The following ERO1A variants were observed in gnomAD, a reference collection of about 807,000 sequenced individuals.
ERO1A encodes the protein endoplasmic reticulum oxidoreductase 1 alpha.
A neutral mutation model predicts 76.9 loss-of-function variants in ERO1A; 49 were observed. The ratio of observed to expected loss-of-function variants is 0.64; its 90% confidence interval spans 0.51 to 0.81. The LOEUF (loss-of-function observed/expected upper bound fraction) is 0.81. Among genes scored for constraint, ERO1A ranks in the 30% least tolerant of loss-of-function variants. The pLI is 0.00. For missense variants in ERO1A, 448 were observed against 542.1 expected (o/e 0.83, Z 1.72); for synonymous variants, 174 against 181.2 (o/e 0.96, Z 0.32).
chr14:52,689,477 C>T (rs2041285614), intron 1 of ERO1A, among the ~76,000 whole-genome samples: 1 of 151,818 alleles, frequency 6.6e-6, no homozygotes, highest in Admixed American at 6.6e-5. Flanking sequence ...ATCAATTGTG[C>T]TTCTATACAC....
chr14:52,670,855 A>G (rs2040574167), intron 6 of ERO1A, among the ~76,000 whole-genome samples: 1 of 150,164 alleles, frequency 6.7e-6, no homozygotes, highest in Non-Finnish European at 1.5e-5. Context: ...TAAAATTGAT[A>G]TAATAAAATT....
At chr14:52,662,199 T>C (rs11627396) in intron 8 of ERO1A, among the ~76,000 whole-genome samples, 19,200 of 152,196 alleles carry the variant, frequency 0.13, 1,289 homozygotes, top group East Asian at 0.21. Context: ...CCTATGTATC[T>C]TTATGGTAAG....
intron 12 of ERO1A, 34 bp from the exon 13 acceptor site, chr14:52,652,342 G>A (rs376315172): frequency 2.1e-6 from 3 of 1,431,516 alleles, no homozygotes; most frequent in African/African-American, 2.8e-5. Context: ...TCATTTTCAT[G>A]TGTTATAAAT....
intron 13 of ERO1A, 127 bp downstream of exon 13, chr14:52,652,112 C>T: frequency 2.0e-6 from 1 of 499,542 alleles, no homozygotes; most frequent in Non-Finnish European, 3.6e-6. Flanking sequence ...AATTACAGGC[C>T]TGAGCCACTG....
chr14:52,685,833 G>A (rs1362186139), intron 1 of ERO1A, among the ~76,000 whole-genome samples: 1 of 152,130 alleles, frequency 6.6e-6, no homozygotes, highest in Non-Finnish European at 1.5e-5. Context: ...AAGTATTACT[G>A]TACCTCACAG....
chr14:52,675,680 G>T (rs2040760511), intron 4 of ERO1A, among the ~76,000 whole-genome samples: 1 of 151,956 alleles, frequency 6.6e-6, no homozygotes, highest in Non-Finnish European at 1.5e-5. Context: ...TGTCTCCCAG[G>T]CTGGAGTACA....
intron 11 of ERO1A, among the ~76,000 whole-genome samples, 177 bp downstream of exon 11, chr14:52,657,740 A>C (rs2040098089): frequency 6.6e-6 from 1 of 152,208 alleles, no homozygotes; most frequent in Admixed American, 6.5e-5. Flanking sequence ...AGAGTATGTT[A>C]AACTGTTCAA....
At chr14:52,658,391 C>G in intron 9 of ERO1A, 1 of 410,126 alleles carries the variant, frequency 2.4e-6, no homozygotes, top group Admixed American at 4.5e-5. Context: ...TTGACCCAGT[C>G]TCATAACGTT....
Position 52,641,189 on chromosome 14 carries a change from T to G in ERO1A, c.*2381A>C, listed in dbSNP as rs2039458159. 1 of 152,056 alleles carries G rather than the reference T, an allele frequency of 6.6e-6. No individual in the cohort carries two copies. The highest frequency in any genetic ancestry group is 1.5e-5 in the Non-Finnish European group (1 of 68,010). 9.4% of individuals were successfully genotyped at this position (152,056 alleles called of 1,614,324 possible). Reference sequence around the variant, plus strand: ...TTAAACTGTGGATTTAGAATTAAGATTTTAGACTTTACAGGAAGGGACTGT... The same window carrying G: ...TTAAACTGTGGATTTAGAATTAAGAGTTTAGACTTTACAGGAAGGGACTGT... On this transcript the variant is annotated 3_prime_UTR_variant, in exon 16 of 16. Transcript: ENST00000395686.
chr14:52,671,049 C>T (rs766733551), intron 6 of ERO1A, among the ~76,000 whole-genome samples: 1 of 152,182 alleles, frequency 6.6e-6, no homozygotes, highest in Admixed American at 6.5e-5. Flanking sequence ...TTTCTGTCTC[C>T]ATGAATTTGC....
chr14:52,688,738 T>C (rs1465721064), intron 1 of ERO1A, among the ~76,000 whole-genome samples: 3 of 152,192 alleles, frequency 2.0e-5, no homozygotes, highest in Non-Finnish European at 4.4e-5. Context: ...AATTACCTTC[T>C]CTGTTGACTC....
intron 11 of ERO1A, among the ~76,000 whole-genome samples, chr14:52,657,062 C>T (rs2040075118): frequency 6.6e-6 from 1 of 152,174 alleles, no homozygotes; most frequent in Non-Finnish European, 1.5e-5. Context: ...GCACACCCAC[C>T]AGGGTGCCAT....
At chr14:52,685,445 C>T (rs1267521996) in intron 1 of ERO1A, among the ~76,000 whole-genome samples, 2 of 152,188 alleles carry the variant, frequency 1.3e-5, no homozygotes, top group Admixed American at 6.5e-5. Flanking sequence ...CAAAGTACTT[C>T]TAACCTAAAT....
At chr14:52,694,087 G>T (rs1159169093) in intron 1 of ERO1A, among the ~76,000 whole-genome samples, 1 of 152,092 alleles carries the variant, frequency 6.6e-6, no homozygotes, top group South Asian at 2.1e-4. Flanking sequence ...TCTCCAGAAT[G>T]TAGCTGAAAA....
At chr14:52,689,674 T>C (rs1158091479) in intron 1 of ERO1A, among the ~76,000 whole-genome samples, 1 of 152,028 alleles carries the variant, frequency 6.6e-6, no homozygotes, top group African/African-American at 2.4e-5. Context: ...TGTTCATAAA[T>C]TGAGAGAATT....
At chr14:52,685,060 TA>T (rs1273374234) in intron 1 of ERO1A, among the ~76,000 whole-genome samples, 1 of 152,062 alleles carries the variant, frequency 6.6e-6, no homozygotes, top group Non-Finnish European at 1.5e-5. Flanking sequence ...AGCCTAGAAA[TA>T]AATAATTTAA....
At chr14:52,678,776 G>A (rs1369904953) in intron 3 of ERO1A, among the ~76,000 whole-genome samples, 1 of 152,182 alleles carries the variant, frequency 6.6e-6, no homozygotes, top group Non-Finnish European at 1.5e-5. Context: ...GATCCACTGA[G>A]TGCTGACTTG....
chr14:52,643,544 A>C lies in ERO1A; in HGVS notation c.*26T>G. The C allele has an allele frequency of 6.9e-7, 1 of 1,443,786 alleles. No individual in the cohort carries two copies. The highest frequency in any genetic ancestry group is 1.5e-5 in the African/African-American group (1 of 66,734). 89.4% of individuals were successfully genotyped at this position (1,443,786 alleles called of 1,614,324 possible). A position where few individuals can be genotyped will look rare whatever the true frequency, so the allele number is the denominator to read the frequency against. ...CACTCTTTCGCCTCCATTGTCCAGAAACAGGCACATATCAGCTTGTTTTCT... is the reference window on the plus strand; with the variant it reads ...CACTCTTTCGCCTCCATTGTCCAGACACAGGCACATATCAGCTTGTTTTCT... On this transcript the variant is annotated 3_prime_UTR_variant, in exon 16 of 16. Coordinates refer to ENST00000395686, the MANE Select transcript of ERO1A (RefSeq NM_014584.3).
intron 7 of ERO1A, among the ~76,000 whole-genome samples, chr14:52,665,693 T>C (rs994818720): frequency 6.6e-6 from 1 of 152,146 alleles, no homozygotes; most frequent in Non-Finnish European, 1.5e-5. Flanking sequence ...ACCTGAAGCA[T>C]TTCTCAGATA....
Sources: gnomAD v4.1 joint callset for allele counts (sites outside exome capture counted in the v4.1 genomes callset) on GRCh38, gnomAD v4.1.1 for gene constraint, MANE v1.5 for transcripts, NCBI Gene and HGNC (gene_info 2026-07-23, HGNC 2026-07-21) for gene names.